ATP13A4: variants seen among roughly 807,000 people sequenced by gnomAD.
ATP13A4 encodes probable cation-transporting ATPase 13A4.
Under a neutral mutation model 142.5 loss-of-function variants are expected in ATP13A4, and 114 were observed. The ratio of observed to expected loss-of-function variants is 0.80; its 90% confidence interval spans 0.69 to 0.93. The LOEUF (loss-of-function observed/expected upper bound fraction) is 0.93. ATP13A4 is among the 40% of genes least tolerant of loss of function. ATP13A4 has a pLI of 0.00. For synonymous variants in ATP13A4, 488 were observed against 514.8 expected (o/e 0.95, Z 0.70); for missense variants, 1,392 against 1,454.0 (o/e 0.96, Z 0.69).
chr3:193,412,031 T>C, intron 27 of ATP13A4, 147 bp downstream of exon 27: 2 of 706,508 alleles, frequency 2.8e-6, no homozygotes, highest in Non-Finnish European at 5.0e-6. Context: ...AAAATGAGGC[T>C]GTACGATGTG....
At chr3:193,582,636 T>TATATAA (rs1274903125) in intron 1 of ATP13A4, among the ~76,000 whole-genome samples, 1 of 88,562 alleles carries the variant, frequency 1.1e-5, no homozygotes, top group African/African-American at 5.8e-5. Flanking sequence ...ATTACATACA[T>TATATAA]TATATATGTA....
intron 29 of ATP13A4, among the ~76,000 whole-genome samples, chr3:193,405,236 GATACTTCATTACC>G (rs1188650218): frequency 6.6e-6 from 1 of 152,178 alleles, no homozygotes; most frequent in African/African-American, 2.4e-5. Flanking sequence ...GGAAGACTTT[GATACTTCATTACC>G]ATACAGCCCA....
In ATP13A4 at chr3:193,491,483, A is replaced by G. The variant is rs1035599109; in HGVS notation, c.534-85T>C. ...ACCTATTCAGAAAAAGGTCTATTCC[A>G]TGTTCACTTTCTCACTTGTGAGACC... On this transcript the variant is annotated intron_variant, in intron 5 of 29. Coordinates refer to ENST00000342695, the MANE Select transcript of ATP13A4 (RefSeq NM_032279.4). 2.8e-5 allele frequency: 28 copies of G among 986,776 alleles called. No individual in the cohort carries two copies. In the African/African-American group the frequency reaches 4.2e-4, roughly 15 times the overall value. 61.1% of individuals were successfully genotyped at this position (986,776 alleles called of 1,614,324 possible).
intron 29 of ATP13A4, 145 bp from the exon 30 acceptor site, chr3:193,403,009 G>A: frequency 4.0e-6 from 3 of 750,170 alleles, no homozygotes; most frequent in Non-Finnish European, 6.8e-6. Flanking sequence ...AATCTAAGGT[G>A]GTTTCATTGG....
At chr3:193,431,760 CAT>C (rs770964956) in intron 25 of ATP13A4, among the ~76,000 whole-genome samples, 16 of 141,728 alleles carry the variant, frequency 1.1e-4, no homozygotes, top group Admixed American at 2.8e-4. Context: ...ATATGTTTCC[CAT>C]ATATATATAT....
chr3:193,529,671 T>C (rs1044922659), intron 1 of ATP13A4, among the ~76,000 whole-genome samples: 1 of 152,204 alleles, frequency 6.6e-6, no homozygotes. Flanking sequence ...TGCTTTCTTT[T>C]CATGATTTGT....
intron 2 of ATP13A4, among the ~76,000 whole-genome samples, chr3:193,572,955 C>T (rs1057506725): frequency 7.1e-6 from 1 of 139,968 alleles, no homozygotes. Context: ...TGGTGAAACA[C>T]CTTCTTTACA....
At chr3:193,575,539 C>T (rs1023181468) in intron 2 of ATP13A4, among the ~76,000 whole-genome samples, 8 of 152,000 alleles carry the variant, frequency 5.3e-5, no homozygotes, top group African/African-American at 1.7e-4. Context: ...AGAAACGTGG[C>T]CAGGGAACAG....
chr3:193,503,548 G>A (rs1184999691), intron 2 of ATP13A4, among the ~76,000 whole-genome samples: 1 of 152,152 alleles, frequency 6.6e-6, no homozygotes, highest in African/African-American at 2.4e-5. Flanking sequence ...TTTGATGCTT[G>A]GGAAATGTAG....
In ATP13A4 at chr3:193,402,437, A is replaced by T. The variant is rs1714296652; in HGVS notation, c.*215T>A. On this transcript the variant is annotated 3_prime_UTR_variant, in exon 30 of 30. Transcript: ENST00000342695. Reference sequence around the variant, plus strand: ...TTCTTGCCTTCACTGAATGCCTCTAATACCTTCAGAAGCCAAGAGGAAAGC... The same window carrying T: ...TTCTTGCCTTCACTGAATGCCTCTATTACCTTCAGAAGCCAAGAGGAAAGC... 1 of 542,754 alleles carries T rather than the reference A, an allele frequency of 1.8e-6. No homozygotes were observed. The highest frequency in any genetic ancestry group is 3.1e-5 in the Admixed American group (1 of 31,882). The allele number at this position is 542,754 out of a possible 1,614,324, so 33.6% of individuals were successfully genotyped here.
At chr3:193,452,307 G>T (rs1168683207) in intron 17 of ATP13A4, among the ~76,000 whole-genome samples, 1 of 152,094 alleles carries the variant, frequency 6.6e-6, no homozygotes, top group Non-Finnish European at 1.5e-5. Context: ...CAATCTCAAA[G>T]TTTACTTTTA....
intron 3 of ATP13A4, among the ~76,000 whole-genome samples, chr3:193,498,644 T>C (rs1287292236): frequency 5.9e-5 from 9 of 152,224 alleles, no homozygotes; most frequent in African/African-American, 2.2e-4. Context: ...CAGTGCATTC[T>C]GGGCATAATA....
At chr3:193,593,087 T>C in exon 1 of ATP13A4, 1 of 391,348 alleles carries the variant, frequency 2.6e-6, no homozygotes, top group South Asian at 1.1e-4. Context: ...GGCGATGGAT[T>C]GCTCCAGTCC....
rs147084936 is a variant in ATP13A4, at chr3:193,399,988, T to G, written c.*2664A>C. Among the ~76,000 whole-genome samples the G allele has an allele frequency of 1.3e-5, 2 of 152,306 alleles. No homozygotes were observed. Among genetic ancestry groups the G allele is most frequent in the South Asian group, 2.1e-4 (1 of 4,828 alleles). ...CTCTACTTGGCCCTTGAATAGCCAC[T>G]TGTTCCTCCAATGTCCTAGAGTACA... On this transcript the variant is annotated 3_prime_UTR_variant, in exon 30 of 30. Transcript: ENST00000342695.
At chr3:193,546,815 C>T (rs572918175) in intron 1 of ATP13A4, among the ~76,000 whole-genome samples, 3 of 152,294 alleles carry the variant, frequency 2.0e-5, no homozygotes, top group Admixed American at 2.0e-4. Context: ...TGTCACTTAA[C>T]CTCCCTATGC....
At chr3:193,443,671 A>G (rs1716784605) in intron 18 of ATP13A4, among the ~76,000 whole-genome samples, 1 of 152,236 alleles carries the variant, frequency 6.6e-6, no homozygotes, top group Non-Finnish European at 1.5e-5. Context: ...GATAGCCTAG[A>G]TGTTGGAAGT....
intron 25 of ATP13A4, among the ~76,000 whole-genome samples, chr3:193,426,695 C>A (rs1053113008): frequency 6.6e-6 from 1 of 151,886 alleles, no homozygotes; most frequent in African/African-American, 2.4e-5. Flanking sequence ...TAAGCCCATA[C>A]ATCTATGGCC....
At chr3:193,442,284 T>C (rs1560189771) in intron 19 of ATP13A4, 109 bp downstream of exon 19, 3 of 1,194,512 alleles carry the variant, frequency 2.5e-6, no homozygotes, top group Non-Finnish European at 2.4e-6. Flanking sequence ...TTCAAAAGCA[T>C]GAATGCTAGA....
At chr3:193,526,692 A>T (rs1223160571) in intron 1 of ATP13A4, among the ~76,000 whole-genome samples, 3 of 152,200 alleles carry the variant, frequency 2.0e-5, no homozygotes, top group Admixed American at 6.5e-5. Flanking sequence ...AAATATTGTT[A>T]TGGGATACAT....
Sources: gnomAD v4.1 joint callset for allele counts (sites outside exome capture counted in the v4.1 genomes callset) on GRCh38, gnomAD v4.1.1 for gene constraint, MANE v1.5 for transcripts, NCBI Gene and HGNC (gene_info 2026-07-23, HGNC 2026-07-21) for gene names.